The following B3GALT2 variants were observed in gnomAD, a reference collection of about 807,000 sequenced individuals.
B3GALT2 encodes beta-1,3-galactosyltransferase 2.
B3GALT2 carries 13 observed loss-of-function variants against 33.5 expected under a neutral mutation model. The observed-to-expected ratio is 0.39, with a 90% confidence interval of 0.25 to 0.62. The LOEUF (loss-of-function observed/expected upper bound fraction) is 0.62, where lower values mean the gene tolerates loss of function less well. Ranked by LOEUF, B3GALT2 falls within the 20% of genes least tolerant of loss-of-function variation. The probability of loss-of-function intolerance (pLI) is 0.53; values close to 1 mark genes in which losing one functional copy is unlikely to be tolerated. For missense variants in B3GALT2, 418 were observed against 509.1 expected (o/e 0.82, Z 1.72); for synonymous variants, 195 against 172.7 (o/e 1.13, Z -1.01).
Position 193,180,312 on chromosome 1 carries a change from G to A in B3GALT2, c.1251C>T (p.Arg417=), listed in dbSNP as rs1181924381. The part of the protein sequence containing the change: ...NAAKEKAGRY[R]HRKLH ...GTCTTTTCTAATGTAGTTTACGGTG[G>A]CGATACCTGCCTGCCTTTTCTTTTG... The change falls in exon 2 of 2, where the codon CGC becomes CGT. Residue 417 remains arginine (R), a synonymous_variant. Transcript: ENST00000367434. The A allele has an allele frequency of 3.2e-6, 5 of 1,579,450 alleles. No individual in the cohort carries two copies. In the Admixed American group the frequency reaches 9.4e-5, roughly 30 times the overall value.
chr1:193,184,606 T>C (rs1008898507), intron 1 of B3GALT2, among the ~76,000 whole-genome samples: 8 of 151,912 alleles, frequency 5.3e-5, no homozygotes, highest in Admixed American at 1.3e-4. Context: ...TTGATCTCTT[T>C]AGTCTGTTGG....
chr1:193,183,575 T>C (rs1466354517), intron 1 of B3GALT2, among the ~76,000 whole-genome samples: 2 of 151,310 alleles, frequency 1.3e-5, no homozygotes, highest in Non-Finnish European at 3.0e-5. Flanking sequence ...ACTCAGTGTT[T>C]TCCTTCTTGT....
At chr1:193,183,264 G>T (rs1676750097) in intron 1 of B3GALT2, among the ~76,000 whole-genome samples, 1 of 151,214 alleles carries the variant, frequency 6.6e-6, no homozygotes, top group Non-Finnish European at 1.5e-5. Flanking sequence ...AAATATCTAA[G>T]GTCCAACCAT....
At chr1:193,183,854 AT>A (rs1391735731) in intron 1 of B3GALT2, among the ~76,000 whole-genome samples, 1 of 151,758 alleles carries the variant, frequency 6.6e-6, no homozygotes, top group Non-Finnish European at 1.5e-5. Flanking sequence ...AATTATACAG[AT>A]TTTTTTTAAA....
At position 193,181,547 on chromosome 1, in the gene B3GALT2, T is replaced by C. The variant is rs1676717131; in HGVS notation, c.16A>G (p.Arg6Gly). ...ATCTTTGCAAAGCAGCAGTGTCTTC[T>C]CCTCCACTGAAGCATGTTGTAAATA... The part of the protein sequence containing the change: MLQWR[R>G]RHCCFAKMTW... Residue 6 changes from arginine to glycine, a missense_variant, in exon 2 of 2, where the codon AGA becomes GGA. Coordinates refer to ENST00000367434, the MANE Select transcript of B3GALT2 (RefSeq NM_003783.3). The C allele has an allele frequency of 6.3e-7, 1 of 1,593,016 alleles. No homozygotes were observed. Among genetic ancestry groups the C allele is most frequent in the Non-Finnish European group, 8.5e-7 (1 of 1,171,704 alleles).
Position 193,180,673 on chromosome 1 carries a change from T to C in B3GALT2, c.890A>G (p.Tyr297Cys), listed in dbSNP as rs377419023. The change falls in exon 2 of 2, where the codon TAC (tyrosine) becomes TGC (cysteine). Residue 297 changes from tyrosine to cysteine, a missense_variant. Coordinates refer to ENST00000367434, the MANE Select transcript of B3GALT2 (RefSeq NM_003783.3). ...APNRNKDSKW[Y>C]MPPDLYPSER... ...ACTTGGGTAGAGGTCTGGTGGCATG[T>C]ACCACTTGCTATCTTTGTTTCGATT... is the stretch of plus-strand genomic sequence containing the variant. 1.2e-6 allele frequency: 2 copies of C among 1,614,020 alleles called. No homozygotes were observed. Among genetic ancestry groups the C allele is most frequent in the Non-Finnish European group, 1.7e-6 (2 of 1,179,952 alleles).
In B3GALT2 at chr1:193,180,981, A is replaced by G. The variant is rs372672958; in HGVS notation, c.582T>C (p.Ser194=). Residue 194 remains serine, a synonymous_variant, in exon 2 of 2, where the codon AGT becomes AGC. Transcript: ENST00000367434. ...QITRIFLLGL[S]IKLNGYLQRA... ...GTTGAAGGTAGCCATTTAGCTTAATACTTAAGCCCAACAAAAATATTCTTG... is the reference window on the plus strand; with the variant it reads ...GTTGAAGGTAGCCATTTAGCTTAATGCTTAAGCCCAACAAAAATATTCTTG... The G allele has an allele frequency of 6.6e-5, 107 of 1,613,358 alleles. 1 individual carries two copies. Among genetic ancestry groups the G allele is most frequent in the South Asian group, 8.8e-5 (8 of 91,080 alleles).
At chr1:193,182,531 C>T (rs1452151583) in intron 1 of B3GALT2, among the ~76,000 whole-genome samples, 1 of 152,052 alleles carries the variant, frequency 6.6e-6, no homozygotes, top group African/African-American at 2.4e-5. Context: ...GAATTTCACA[C>T]AATATATTTT....
Position 193,180,206 on chromosome 1 carries a change from A to AACTCATTT in B3GALT2, c.*87_*88insAAATGAGT. 1 of 1,215,572 alleles carries AACTCATTT rather than the reference A, an allele frequency of 8.2e-7. No homozygotes were observed. Among genetic ancestry groups the AACTCATTT allele is most frequent in the Non-Finnish European group, 1.1e-6 (1 of 903,184 alleles). 75.3% of individuals were successfully genotyped at this position (1,215,572 alleles called of 1,614,324 possible). On this transcript the variant is annotated 3_prime_UTR_variant, in exon 2 of 2. Transcript: ENST00000367434. ...TTCTTTATGTGATGAGTTTTAACTAAAACTTGTCCTACGGATGTAATCAGT... is the reference window on the plus strand; with the variant it reads ...TTCTTTATGTGATGAGTTTTAACTAAACTCATTTAACTTGTCCTACGGATGTAATCAGT...
Position 193,180,840 on chromosome 1 carries a change from G to A in B3GALT2, c.723C>T (p.Tyr241=). Residue 241 remains tyrosine, a synonymous_variant, in exon 2 of 2, where the codon TAC becomes TAT. Transcript: ENST00000367434. Reference sequence around the variant, plus strand: ...TCATAACATATGGAATATGTGGACAGTATGTTGCAACCCAGTTCATGCCCA... The same window carrying A: ...TCATAACATATGGAATATGTGGACAATATGTTGCAACCCAGTTCATGCCCA... ...TLMGMNWVAT[Y]CPHIPYVMKT... The A allele has an allele frequency of 4.3e-6, 7 of 1,614,012 alleles. No individual in the cohort carries two copies. Among genetic ancestry groups the A allele is most frequent in the Non-Finnish European group, 5.9e-6 (7 of 1,179,940 alleles).
In B3GALT2 at chr1:193,180,684, AT is replaced by A; in HGVS notation, c.878del (p.Asp293ValfsTer40). Reference sequence around the variant, plus strand: ...GGTCTGGTGGCATGTACCACTTGCTATCTTTGTTTCGATTGGGTGCATATCC... The same window carrying A: ...GGTCTGGTGGCATGTACCACTTGCTACTTTGTTTCGATTGGGTGCATATCC... ...MRGYAPNRNK[D>X]SKWYMPPDLY... On this transcript the variant is annotated frameshift_variant, in exon 2 of 2. Transcript: ENST00000367434. LOFTEE classifies it high-confidence loss of function. 1 of 1,614,096 alleles carries A rather than the reference AT, an allele frequency of 6.2e-7. No individual in the cohort carries two copies. Among genetic ancestry groups the A allele is most frequent in the Non-Finnish European group, 8.5e-7 (1 of 1,179,954 alleles).
rs1386123513 is a variant in B3GALT2, at chr1:193,179,255, A to G, written c.*1039T>C. Reference sequence around the variant, plus strand: ...ACTCCAAGAAAGAAATAGGTGCCATAAAATGATTAAGTGTTGGCATGTGTA... The same window carrying G: ...ACTCCAAGAAAGAAATAGGTGCCATGAAATGATTAAGTGTTGGCATGTGTA... On this transcript the variant is annotated 3_prime_UTR_variant, in exon 2 of 2. Transcript: ENST00000367434. 1 of 152,244 alleles carries G rather than the reference A, an allele frequency of 6.6e-6. No individual in the cohort carries two copies. Among genetic ancestry groups the G allele is most frequent in the Admixed American group, 6.5e-5 (1 of 15,282 alleles). The allele number at this position is 152,244 out of a possible 1,614,324, so 9.4% of individuals were successfully genotyped here. A position where few individuals can be genotyped will look rare whatever the true frequency, so the allele number is the denominator to read the frequency against.
At chr1:193,183,640 A>G (rs1676756589) in intron 1 of B3GALT2, among the ~76,000 whole-genome samples, 2 of 151,688 alleles carry the variant, frequency 1.3e-5, no homozygotes, top group South Asian at 4.2e-4. Flanking sequence ...TTAAGCTTTT[A>G]TTTCCAAATG....
chr1:193,178,869 G>A lies in B3GALT2; in HGVS notation c.*1425C>T, dbSNP rs1676658695. Among the ~76,000 whole-genome samples the A allele has an allele frequency of 6.6e-6, 1 of 152,104 alleles. No individual in the cohort carries two copies. Among genetic ancestry groups the A allele is most frequent in the African/African-American group, 2.4e-5 (1 of 41,426 alleles). ...GATTTATCCCTTAATAATAGAATAA[G>A]AGGTAAAAATGATTGTTATTAGAAT... On this transcript the variant is annotated 3_prime_UTR_variant, in exon 2 of 2. Transcript: ENST00000367434.
Sources: gnomAD v4.1 joint callset for allele counts (sites outside exome capture counted in the v4.1 genomes callset) on GRCh38, gnomAD v4.1.1 for gene constraint, MANE v1.5 for transcripts, NCBI Gene and HGNC (gene_info 2026-07-23, HGNC 2026-07-21) for gene names.